The following IGF2BP2 variants were observed in gnomAD, a reference collection of about 807,000 sequenced individuals.
IGF2BP2 encodes insulin-like growth factor 2 mRNA-binding protein 2.
A neutral mutation model predicts 75.8 loss-of-function variants in IGF2BP2; 17 were observed. The ratio of observed to expected loss-of-function variants is 0.22; its 90% confidence interval spans 0.15 to 0.34. The LOEUF is 0.34. Ranked by LOEUF, IGF2BP2 falls within the 10% of genes least tolerant of loss-of-function variation. IGF2BP2 has a pLI of 1.00. For synonymous variants in IGF2BP2, 288 were observed against 295.6 expected (o/e 0.97, Z 0.26); for missense variants, 516 against 772.4 (o/e 0.67, Z 3.93).
rs554627154 is a variant in IGF2BP2, at chr3:185,650,692, GA to G, written c.1462-1159del. ...ACTCCGTCTCAAAAAAATAAAAACTGAAAAAAAAAAAAATATATCAATTTCA... is the reference window on the plus strand; with the variant it reads ...ACTCCGTCTCAAAAAAATAAAAACTGAAAAAAAAAAAATATATCAATTTCA... On this transcript the variant is annotated intron_variant, in intron 13 of 15. Transcript: ENST00000382199. Among the ~76,000 whole-genome samples, 533 of 138,102 alleles carry G rather than the reference GA, an allele frequency of 3.9e-3. 2 individuals carry two copies. Among genetic ancestry groups the G allele is most frequent in the Middle Eastern group, 7.6e-3 (2 of 262 alleles). 90.6% of individuals were successfully genotyped at this position (138,102 alleles called of 152,430 possible).
intron 10 of IGF2BP2, among the ~76,000 whole-genome samples, chr3:185,665,724 T>C (rs896447738): frequency 2.0e-5 from 3 of 152,184 alleles, no homozygotes; most frequent in African/African-American, 4.8e-5. Flanking sequence ...CCCAGCACTT[T>C]GGGAGGCCAA....
intron 7 of IGF2BP2, among the ~76,000 whole-genome samples, chr3:185,683,569 T>C (rs1720699049): frequency 6.6e-6 from 1 of 151,960 alleles, no homozygotes; most frequent in Admixed American, 6.6e-5. Context: ...CCCCAACACC[T>C]GGCTAATTTC....
chr3:185,732,966 TG>T (rs1578137502), intron 2 of IGF2BP2, among the ~76,000 whole-genome samples: 1 of 152,206 alleles, frequency 6.6e-6, no homozygotes, highest in Non-Finnish European at 1.5e-5. Context: ...TCCCCCAACC[TG>T]CCCACCACAA....
chr3:185,739,588 T>A (rs915117620), intron 2 of IGF2BP2, among the ~76,000 whole-genome samples: 5 of 152,106 alleles, frequency 3.3e-5, no homozygotes, highest in Non-Finnish European at 5.9e-5. Context: ...ACACTGATGC[T>A]GTCCCGTGAT....
At position 185,646,988 on chromosome 3, in the gene IGF2BP2, G is replaced by C. The variant is rs769399005; in HGVS notation, c.1707+37C>G. 22 of 1,476,476 alleles carry C rather than the reference G, an allele frequency of 1.5e-5. No homozygotes were observed. The South Asian group carries it at 2.5e-4, about 17-fold the overall frequency. The allele number at this position is 1,476,476 out of a possible 1,614,324, so 91.5% of individuals were successfully genotyped here. A position where few individuals can be genotyped will look rare whatever the true frequency, so the allele number is the denominator to read the frequency against. ...GCAGCTTAGCAGAGAATTGAAAAGA[G>C]ACTTGCAGGAGAGACAGGGCCCTCA... On this transcript the variant is annotated intron_variant, in intron 15 of 15. Transcript: ENST00000382199.
At chr3:185,676,121 G>C (rs1044511812) in intron 7 of IGF2BP2, among the ~76,000 whole-genome samples, 1 of 152,046 alleles carries the variant, frequency 6.6e-6, no homozygotes, top group African/African-American at 2.4e-5. Context: ...CTACTCCCTC[G>C]TAGTAGCTGG....
chr3:185,730,746 C>T (rs1728052253), intron 2 of IGF2BP2, among the ~76,000 whole-genome samples: 2 of 152,046 alleles, frequency 1.3e-5, no homozygotes, highest in African/African-American at 4.8e-5. Context: ...TGGGTAGATG[C>T]CCAGGAGTGA....
chr3:185,789,716 A>G (rs1736381405), intron 2 of IGF2BP2, among the ~76,000 whole-genome samples: 1 of 146,424 alleles, frequency 6.8e-6, no homozygotes, highest in Non-Finnish European at 1.5e-5. Context: ...TTCTGTTACT[A>G]ACAACCAGGA....
intron 11 of IGF2BP2, among the ~76,000 whole-genome samples, chr3:185,657,873 G>A (rs915271739): frequency 2.6e-5 from 4 of 152,170 alleles, no homozygotes; most frequent in African/African-American, 4.8e-5. Context: ...CCAGCTGCAC[G>A]GTGACTGGCT....
At chr3:185,672,197 A>G (rs77757471) in intron 10 of IGF2BP2, among the ~76,000 whole-genome samples, 1,834 of 152,360 alleles carry the variant, frequency 0.012, 19 homozygotes, top group South Asian at 0.05. Flanking sequence ...GGTACCCTAT[A>G]TATTTTAATA....
At chr3:185,735,233 C>T (rs1298200163) in intron 2 of IGF2BP2, among the ~76,000 whole-genome samples, 1 of 151,846 alleles carries the variant, frequency 6.6e-6, no homozygotes, top group Non-Finnish European at 1.5e-5. Flanking sequence ...GCAACCTCCG[C>T]CTTCCGGGTT....
intron 2 of IGF2BP2, among the ~76,000 whole-genome samples, chr3:185,764,249 G>A (rs1732764027): frequency 6.6e-6 from 1 of 151,956 alleles, no homozygotes; most frequent in Admixed American, 6.6e-5. Context: ...TAATATTTTG[G>A]CACATTTCCT....
chr3:185,779,202 G>A (rs1033069221), intron 2 of IGF2BP2, among the ~76,000 whole-genome samples: 11 of 151,944 alleles, frequency 7.2e-5, no homozygotes, highest in African/African-American at 2.2e-4. Flanking sequence ...TCTACCACAG[G>A]AAATCTAGGA....
At position 185,799,978 on chromosome 3, in the gene IGF2BP2, C is replaced by T. The variant is rs561484202; in HGVS notation, c.239+23175G>A. 1.6e-4 allele frequency among the ~76,000 whole-genome samples: 25 copies of T among 152,278 alleles called. No homozygotes were observed. The South Asian group carries it at 3.5e-3, about 21-fold the overall frequency. On this transcript the variant is annotated intron_variant, in intron 2 of 15. Coordinates refer to ENST00000382199, the MANE Select transcript of IGF2BP2 (RefSeq NM_006548.6). The stretch of plus-strand genomic sequence containing the variant: ...ATGCTACTATAAAGGCACATGCACA[C>T]GTATCTTTACTGTGGCACTATTCAC...
intron 2 of IGF2BP2, among the ~76,000 whole-genome samples, chr3:185,765,252 A>G (rs993172979): frequency 6.6e-6 from 1 of 152,178 alleles, no homozygotes; most frequent in South Asian, 2.1e-4. Context: ...CCATCCAGCT[A>G]TATTTAGTAA....
intron 9 of IGF2BP2, 88 bp from the exon 10 acceptor site, chr3:185,672,757 G>T: frequency 6.9e-7 from 1 of 1,457,932 alleles, no homozygotes; most frequent in Non-Finnish European, 9.4e-7. Context: ...TGTCTTAATG[G>T]CACCAGCGTC....
intron 2 of IGF2BP2, among the ~76,000 whole-genome samples, chr3:185,745,276 C>A (rs1448520320): frequency 6.6e-6 from 1 of 152,186 alleles, no homozygotes; most frequent in South Asian, 2.1e-4. Context: ...GAAGCACAAG[C>A]TTCTCTGGTA....
At chr3:185,662,243 C>T (rs1161101797) in intron 10 of IGF2BP2, among the ~76,000 whole-genome samples, 1 of 151,914 alleles carries the variant, frequency 6.6e-6, no homozygotes, top group African/African-American at 2.4e-5. Context: ...TTTGGGAGGC[C>T]GAGGTAGGCA....
chr3:185,823,264 G>T, intron 1 of IGF2BP2, 51 bp from the exon 2 acceptor site: 2 of 1,381,280 alleles, frequency 1.4e-6, no homozygotes, highest in East Asian at 2.4e-5. Context: ...TCAAGCCCGC[G>T]GGGGTCTAGG....
Sources: allele counts gnomAD v4.1 joint callset (sites outside exome capture counted in the v4.1 genomes callset), GRCh38; gene constraint gnomAD v4.1.1; transcripts MANE v1.5; gene names NCBI Gene and HGNC (gene_info 2026-07-23, HGNC 2026-07-21).